CNOT2: variants seen among roughly 807,000 people sequenced by gnomAD.
CNOT2 encodes CCR4-NOT transcription complex subunit 2, also known as CC chemokine receptor 4-negative regulator of transcription 2.
In CNOT2, 7 loss-of-function variants were observed where a neutral mutation model predicts 72.1. The observed-to-expected ratio is 0.10, with a 90% CI of 0.06 to 0.18. The LOEUF (loss-of-function observed/expected upper bound fraction) is 0.18. Ranked by LOEUF, CNOT2 falls within the 10% of genes least tolerant of loss-of-function variation. CNOT2 has a pLI of 1.00. For missense variants in CNOT2, 345 were observed against 660.3 expected, an observed-to-expected ratio of 0.52 and a Z score of 5.23; for synonymous variants, 196 against 225.6, an observed-to-expected ratio of 0.87 and a Z score of 1.17.
Position 70,338,722 on chromosome 12 carries a change from C to T in CNOT2, c.1078C>T (p.Leu360=), listed in dbSNP as rs200503461. Residue 360 remains leucine (L), a synonymous_variant, in exon 11 of 16, where the codon CTG becomes TTG. Coordinates refer to ENST00000229195, the MANE Select transcript of CNOT2 (RefSeq NM_014515.7). ...GACGGACCAATTTGGAATGATTGGC[C>T]TGTTAACATTTATCAGGGCAGCAGA... ...MVTDQFGMIG[L]LTFIRAAETD... is the part of the protein sequence containing the mutation. 47 of 1,613,270 alleles carry T rather than the reference C, an allele frequency of 2.9e-5. No homozygotes were observed. In the East Asian group the frequency reaches 9.8e-4, roughly 34 times the overall value.
intron 15 of CNOT2, among the ~76,000 whole-genome samples, chr12:70,350,916 C>T (rs568846916): frequency 7.9e-5 from 12 of 152,074 alleles, no homozygotes; most frequent in Non-Finnish European, 1.6e-4. Context: ...ATAACTAGAT[C>T]AGTGATTACA....
At chr12:70,258,179 C>A (rs906097002) in intron 1 of CNOT2, among the ~76,000 whole-genome samples, 1 of 152,122 alleles carries the variant, frequency 6.6e-6, no homozygotes, top group Non-Finnish European at 1.5e-5. Context: ...CCGTGGTCCC[C>A]TCCCAAGCAT....
chr12:70,330,445 C>G lies in CNOT2; in HGVS notation c.545C>G (p.Ser182Cys). ...SIICMPKQQP[S>C]RQPFTVNSMS... ...ATATGTATGCCAAAGCAGCAGCCTT[C>G]TCGACAGCCTTTTACTGTGAACAGG... Residue 182 changes from serine to cysteine, a missense_variant, in exon 6 of 16, where the codon TCT becomes TGT. Physicochemically the swap from Ser to Cys is moderately radical, Grantham distance 112 (BLOSUM62 -1). Around this residue, in one of 4 missense-constraint regions of CNOT2, gnomAD observed 157 missense variants for 235.3 expected, o/e 0.67. Transcript: ENST00000229195. 2 of 1,612,240 alleles carry G rather than the reference C, an allele frequency of 1.2e-6. No individual in the cohort carries two copies. Among genetic ancestry groups the G allele is most frequent in the Non-Finnish European group, 1.7e-6 (2 of 1,178,812 alleles).
At chr12:70,349,686 G>C (rs533448287) in intron 15 of CNOT2, among the ~76,000 whole-genome samples, 1 of 152,156 alleles carries the variant, frequency 6.6e-6, no homozygotes, top group African/African-American at 2.4e-5. Flanking sequence ...ATAATTTCCT[G>C]TAAATAATAT....
intron 1 of CNOT2, among the ~76,000 whole-genome samples, chr12:70,249,536 C>T (rs533694530): frequency 9.5e-4 from 145 of 151,920 alleles, no homozygotes; most frequent in African/African-American, 3.4e-3. Context: ...TTTATTTTAG[C>T]GCTACTTTAT....
At chr12:70,343,093 T>G (rs1005540446) in intron 13 of CNOT2, among the ~76,000 whole-genome samples, 70 of 152,042 alleles carry the variant, frequency 4.6e-4, no homozygotes, top group African/African-American at 1.6e-3. Context: ...GATGGAGAGG[T>G]CTCCTATTTT....
intron 2 of CNOT2, among the ~76,000 whole-genome samples, chr12:70,288,906 C>G (rs1358636654): frequency 1.3e-5 from 2 of 152,030 alleles, no homozygotes; most frequent in Non-Finnish European, 2.9e-5. Context: ...AATGTTATTT[C>G]TGCGTTTTAT....
At position 70,286,212 on chromosome 12, in the gene CNOT2, C is replaced by A. The variant is rs79111502; in HGVS notation, c.48+7938C>A. On this transcript the variant is annotated intron_variant, in intron 2 of 15. Coordinates refer to ENST00000229195, the MANE Select transcript of CNOT2 (RefSeq NM_014515.7). ...TCTAAAACTTCAGGAAGATTACATT[C>A]CTAAGAGGTCTTCTAGGAATGTATT... Among the ~76,000 whole-genome samples, 233 of 149,178 alleles carry A rather than the reference C, an allele frequency of 1.6e-3. 1 individual carries two copies. The highest frequency in any genetic ancestry group is 5.6e-3 in the African/African-American group (230 of 41,234).
chr12:70,270,944 A>G (rs986691367), intron 1 of CNOT2, among the ~76,000 whole-genome samples: 1 of 152,238 alleles, frequency 6.6e-6, no homozygotes, highest in Non-Finnish European at 1.5e-5. Flanking sequence ...ACAAATTGCT[A>G]AAGGATTAGG....
Position 70,271,206 on chromosome 12 carries a change from A to T in CNOT2, c.-95-6926A>T, listed in dbSNP as rs183179350. Among the ~76,000 whole-genome samples, 4 of 152,192 alleles carry T rather than the reference A, an allele frequency of 2.6e-5. No individual in the cohort carries two copies. In the East Asian group the frequency reaches 7.8e-4, roughly 29 times the overall value. ...GCTCTAGTTGTGCTATTCTGATATAACAACACCTATTGGGGAAAGAGGGTC... is the reference window on the plus strand; with the variant it reads ...GCTCTAGTTGTGCTATTCTGATATATCAACACCTATTGGGGAAAGAGGGTC... On this transcript the variant is annotated intron_variant, in intron 1 of 15. Coordinates refer to ENST00000229195, the MANE Select transcript of CNOT2 (RefSeq NM_014515.7).
At chr12:70,282,940 A>C (rs1210460181) in intron 2 of CNOT2, among the ~76,000 whole-genome samples, 1 of 152,218 alleles carries the variant, frequency 6.6e-6, no homozygotes, top group African/African-American at 2.4e-5. Context: ...CCTACTTGAT[A>C]ATTCACCAAG....
At chr12:70,312,060 A>G (rs150148553) in intron 3 of CNOT2, among the ~76,000 whole-genome samples, 143 of 152,002 alleles carry the variant, frequency 9.4e-4, no homozygotes, top group African/African-American at 3.3e-3. Context: ...TCATTTTGAA[A>G]ACAAACTATC....
In CNOT2 at chr12:70,342,187, GT is replaced by G. The variant is rs1565832345; in HGVS notation, c.1240+22del. ...GACATAGGTAGGAGAATCTATTTGT[GT>G]TTAGACCTTTTAAAAAGAAATTTAC... On this transcript the variant is annotated intron_variant, in intron 12 of 15. Coordinates refer to ENST00000229195, the MANE Select transcript of CNOT2 (RefSeq NM_014515.7). The G allele has an allele frequency of 1.2e-6, 2 of 1,612,138 alleles. No homozygotes were observed. Among genetic ancestry groups the G allele is most frequent in the Admixed American group, 1.7e-5 (1 of 59,996 alleles).
chr12:70,348,163 G>A (rs2136086471), intron 15 of CNOT2: 1 of 152,244 alleles, frequency 6.6e-6, no homozygotes. Context: ...ACATGGTGGT[G>A]GTTGTACTAG....
At chr12:70,288,766 A>G (rs1871349825) in intron 2 of CNOT2, among the ~76,000 whole-genome samples, 1 of 152,186 alleles carries the variant, frequency 6.6e-6, no homozygotes, top group Non-Finnish European at 1.5e-5. Flanking sequence ...TCTTAGTTGT[A>G]CTACCAAACA....
intron 13 of CNOT2, among the ~76,000 whole-genome samples, chr12:70,342,772 CT>C (rs1565832923): frequency 6.6e-6 from 1 of 151,968 alleles, no homozygotes; most frequent in African/African-American, 2.4e-5. Flanking sequence ...CTTAATCTCT[CT>C]TTTTTCAATC....
intron 2 of CNOT2, among the ~76,000 whole-genome samples, chr12:70,304,141 G>T (rs1874727156): frequency 6.6e-6 from 1 of 151,706 alleles, no homozygotes; most frequent in Non-Finnish European, 1.5e-5. Flanking sequence ...CTTTGCCATT[G>T]GTTCGAACTT....
chr12:70,312,567 G>A (rs959843460), intron 3 of CNOT2, among the ~76,000 whole-genome samples: 1 of 151,860 alleles, frequency 6.6e-6, no homozygotes, highest in African/African-American at 2.4e-5. Flanking sequence ...ACAAATGTTG[G>A]CCACCATTCT....
At chr12:70,317,376 A>G (rs1877509942) in intron 3 of CNOT2, among the ~76,000 whole-genome samples, 1 of 152,068 alleles carries the variant, frequency 6.6e-6, no homozygotes, top group African/African-American at 2.4e-5. Context: ...GCTTTATTAT[A>G]TATTCTTGTT....
Sources: allele counts gnomAD v4.1 joint callset (sites outside exome capture counted in the v4.1 genomes callset), GRCh38; gene constraint gnomAD v4.1.1; regional missense constraint gnomAD v4.1.1; transcripts MANE v1.5; gene names NCBI Gene and HGNC (gene_info 2026-07-23, HGNC 2026-07-21).